Variants in PARL observed in about 807,000 individuals in gnomAD.
PARL encodes the protein presenilin-associated rhomboid-like protein, mitochondrial.
In PARL, 44 loss-of-function variants were observed where a neutral mutation model predicts 51.6. That is an observed-to-expected ratio of 0.85 (90% confidence interval 0.67 to 1.10). The LOEUF is 1.10. Ranked by LOEUF, PARL falls within the 50% of genes least tolerant of loss-of-function variation. The pLI is 0.00. For synonymous variants in PARL, 172 were observed against 164.0 expected (o/e 1.05, Z -0.37); for missense variants, 441 against 469.5 (o/e 0.94, Z 0.56).
chr3:183,848,993 C>T (rs900259307), intron 4 of PARL, among the ~76,000 whole-genome samples: 2 of 151,986 alleles, frequency 1.3e-5, no homozygotes, highest in African/African-American at 4.8e-5. Flanking sequence ...AAGGTCAATC[C>T]ATCAAGAAAT....
chr3:183,882,221 AAATATATATATATATATATATATTTATAT>A (rs1734536451), intron 1 of PARL, among the ~76,000 whole-genome samples: 1 of 48,296 alleles, frequency 2.1e-5, no homozygotes, highest in African/African-American at 1.3e-4. Context: ...AAAAAAAAAA[AAATATATATATATATATATATATTTATAT>A]ATATATATAT....
intron 4 of PARL, among the ~76,000 whole-genome samples, chr3:183,855,109 G>GAA (rs1730995026): frequency 1.3e-5 from 2 of 152,088 alleles, no homozygotes; most frequent in South Asian, 4.1e-4. Context: ...AGTCCCTAGA[G>GAA]AAAGCAGGTT....
intron 9 of PARL, 109 bp downstream of exon 9, chr3:183,833,383 G>A (rs1415828977): frequency 2.6e-6 from 2 of 761,724 alleles, no homozygotes; most frequent in Non-Finnish European, 2.4e-6. Flanking sequence ...TGCTTCCGTT[G>A]CATAGTTCAA....
At chr3:183,827,725 G>A (rs1727532176), downstream of PARL, among the ~76,000 whole-genome samples, 1 of 152,118 alleles carries the variant, frequency 6.6e-6, no homozygotes. Flanking sequence ...TAAGCCGAGT[G>A]CTATTTGAGG....
chr3:183,828,795 A>G (rs1727604524), downstream of PARL, among the ~76,000 whole-genome samples: 1 of 152,252 alleles, frequency 6.6e-6, no homozygotes, highest in Non-Finnish European at 1.5e-5. Flanking sequence ...AGCCATCAAA[A>G]GACTAAAAAT....
At chr3:183,851,258 C>G (rs918098961) in intron 4 of PARL, among the ~76,000 whole-genome samples, 1 of 152,122 alleles carries the variant, frequency 6.6e-6, no homozygotes, top group Non-Finnish European at 1.5e-5. Context: ...GTTTCCTTGA[C>G]ATGACACTTA....
rs762500920 is a variant in PARL, at chr3:183,866,708, T to C, written c.379A>G (p.Arg127Gly). Residue 127 changes from arginine to glycine, a missense_variant, in exon 3 of 10, where the codon AGG becomes GGG. Arg to Gly is a moderately radical substitution (Grantham distance 125). Coordinates refer to ENST00000317096, the MANE Select transcript of PARL (RefSeq NM_018622.7). ...AIWQYESLKS[R>G]VQSYFDGIKA... ...ATACCATCAAAATAACTCTGGACCC[T>C]GGATTTCAGTGATTCATATTGCCAA... is the stretch of plus-strand genomic sequence containing the variant. 4 of 1,611,260 alleles carry C rather than the reference T, an allele frequency of 2.5e-6. No homozygotes were observed. Among genetic ancestry groups the C allele is most frequent in the Non-Finnish European group, 2.5e-6 (3 of 1,177,562 alleles).
intron 7 of PARL, among the ~76,000 whole-genome samples, chr3:183,840,341 T>C (rs1560380433): frequency 6.6e-6 from 1 of 152,198 alleles, no homozygotes; most frequent in African/African-American, 2.4e-5. Context: ...ATATGACCAA[T>C]GGTTAAAAGC....
chr3:183,873,316 G>A (rs569812265), intron 1 of PARL, among the ~76,000 whole-genome samples: 2 of 152,258 alleles, frequency 1.3e-5, no homozygotes, highest in African/African-American at 4.8e-5. Flanking sequence ...GACCAGCTTG[G>A]CCAACATGGT....
In PARL at chr3:183,833,502, G is replaced by A. The variant is rs1050437357; in HGVS notation, c.1018C>T (p.Leu340Phe). The change falls in exon 9 of 10, where the codon CTT becomes TTT. Residue 340 changes from leucine (L) to phenylalanine (F), a missense_variant. Transcript: ENST00000317096. ...TACACTCAAACTTACATTCCAAAAA[G>A]AGCTCCCCCAAGATGTGCCGCATGA... ...FDHAAHLGGALFGIWYVTYGH... is the reference protein window; with the variant it reads ...FDHAAHLGGAFFGIWYVTYGH... 3 of 1,606,232 alleles carry A rather than the reference G, an allele frequency of 1.9e-6. No individual in the cohort carries two copies. Among genetic ancestry groups the A allele is most frequent in the Non-Finnish European group, 2.6e-6 (3 of 1,172,812 alleles).
At chr3:183,855,425 G>A (rs916131985) in intron 4 of PARL, among the ~76,000 whole-genome samples, 3 of 151,970 alleles carry the variant, frequency 2.0e-5, no homozygotes, top group Non-Finnish European at 4.4e-5. Flanking sequence ...TACAAGTGTG[G>A]GCCACCACAC....
intron 1 of PARL, among the ~76,000 whole-genome samples, chr3:183,871,410 C>G (rs1733194593): frequency 6.6e-6 from 1 of 151,434 alleles, no homozygotes; most frequent in Non-Finnish European, 1.5e-5. Context: ...GTTTAAAATG[C>G]TTGCAGTCAT....
chr3:183,862,335 T>C (rs572586988), intron 4 of PARL, among the ~76,000 whole-genome samples: 18 of 152,228 alleles, frequency 1.2e-4, no homozygotes, highest in Non-Finnish European at 2.4e-4. Context: ...CAAAAGTTCC[T>C]TCTCTGAAAG....
At chr3:183,851,577 T>C (rs903943649) in intron 4 of PARL, among the ~76,000 whole-genome samples, 1 of 151,538 alleles carries the variant, frequency 6.6e-6, no homozygotes, top group African/African-American at 2.4e-5. Flanking sequence ...GAAAGGCAAA[T>C]CAAAACCACA....
At chr3:183,883,607 A>G (rs913562397) in intron 1 of PARL, 8 of 985,192 alleles carry the variant, frequency 8.1e-6, no homozygotes, top group Non-Finnish European at 8.4e-6. Flanking sequence ...AAACCATGCA[A>G]TCTCAAATGG....
intron 4 of PARL, chr3:183,856,486 A>G (rs1403105237): frequency 6.6e-6 from 1 of 152,268 alleles, no homozygotes; most frequent in Non-Finnish European, 1.5e-5. Flanking sequence ...GGCCTCACAC[A>G]GTGGCTATCA....
chr3:183,854,736 T>A (rs1730945220), intron 4 of PARL, among the ~76,000 whole-genome samples: 2 of 146,762 alleles, frequency 1.4e-5, no homozygotes, highest in Admixed American at 1.4e-4. Flanking sequence ...TCATGTTTTT[T>A]TTTTTTACAA....
At chr3:183,881,625 G>A (rs1187025905) in intron 1 of PARL, among the ~76,000 whole-genome samples, 1 of 152,184 alleles carries the variant, frequency 6.6e-6, no homozygotes, top group Non-Finnish European at 1.5e-5. Flanking sequence ...AGGCATGGTA[G>A]TGTGTACCTG....
At chr3:183,880,787 TAC>T (rs887309570) in intron 1 of PARL, among the ~76,000 whole-genome samples, 34 of 152,230 alleles carry the variant, frequency 2.2e-4, no homozygotes, top group African/African-American at 7.5e-4. Flanking sequence ...ATAGTTACAA[TAC>T]AGTCTCATAA....
Sources: allele counts gnomAD v4.1 joint callset (sites outside exome capture counted in the v4.1 genomes callset), GRCh38; gene constraint gnomAD v4.1.1; transcripts MANE v1.5; gene names NCBI Gene and HGNC (gene_info 2026-07-23, HGNC 2026-07-21).